The following MYH11 variants were observed in gnomAD, a reference collection of about 807,000 sequenced individuals.
MYH11 encodes myosin-11.
MYH11 carries 80 observed loss-of-function variants against 246.6 expected under a neutral mutation model. That is an observed-to-expected ratio of 0.32 (90% CI 0.27 to 0.39). MYH11 has a LOEUF of 0.39. MYH11 is among the 10% of genes least tolerant of loss of function. MYH11 has a pLI of 1.00. For missense variants in MYH11, 2,158 were observed against 2,546.8 expected (o/e 0.85, Z 3.29); for synonymous variants, 1,071 against 1,015.5 (o/e 1.05, Z -1.04).
intron 3 of MYH11, among the ~76,000 whole-genome samples, chr16:15,801,529 G>C (rs2042885732): frequency 6.6e-6 from 1 of 151,716 alleles, no homozygotes; most frequent in African/African-American, 2.4e-5. Context: ...ATGTGTGATA[G>C]ACATACCCCT....
chr16:15,742,907 C>T (rs548792978), intron 20 of MYH11, among the ~76,000 whole-genome samples: 1 of 151,072 alleles, frequency 6.6e-6, no homozygotes, highest in African/African-American at 2.4e-5. Context: ...CCTTGAACTC[C>T]TGGCCTCAAG....
At chr16:15,817,308 A>G (rs1447128660) in intron 3 of MYH11, among the ~76,000 whole-genome samples, 1 of 152,192 alleles carries the variant, frequency 6.6e-6, no homozygotes, top group Non-Finnish European at 1.5e-5. Flanking sequence ...CCTGGCCAAC[A>G]TGGCAAAACC....
chr16:15,799,056 G>A (rs912209386), intron 3 of MYH11, among the ~76,000 whole-genome samples: 3 of 152,186 alleles, frequency 2.0e-5, no homozygotes, highest in South Asian at 2.1e-4. Context: ...CCACTTCTCC[G>A]CTCTGTGGCC....
At chr16:15,851,172 C>T (rs215570) in intron 1 of MYH11, among the ~76,000 whole-genome samples, 73,104 of 152,022 alleles carry the variant, frequency 0.48, 20,066 homozygotes, top group Non-Finnish European at 0.61. Flanking sequence ...TGGAAATCCT[C>T]GCTCAAGGCC....
At chr16:15,735,270 G>A (rs2041082404) in intron 26 of MYH11, 96 bp downstream of exon 26, 4 of 1,331,530 alleles carry the variant, frequency 3.0e-6, no homozygotes, top group Admixed American at 3.4e-5. Flanking sequence ...ATGCACAGGG[G>A]CTGATGCACG....
chr16:15,747,758 C>A, intron 18 of MYH11, 28 bp from the exon 19 acceptor site: 2 of 1,613,786 alleles, frequency 1.2e-6, no homozygotes, highest in Non-Finnish European at 1.7e-6. Flanking sequence ...GGAAGAGCTC[C>A]TGATTTCCAC....
intron 3 of MYH11, among the ~76,000 whole-genome samples, chr16:15,818,800 C>T (rs1171485003): frequency 1.3e-5 from 2 of 152,140 alleles, no homozygotes; most frequent in Non-Finnish European, 1.5e-5. Flanking sequence ...CCAAAATAGA[C>T]GAGGGCATAG....
intron 3 of MYH11, among the ~76,000 whole-genome samples, chr16:15,814,055 A>G (rs1031017423): frequency 2.6e-5 from 4 of 151,960 alleles, no homozygotes; most frequent in African/African-American, 9.7e-5. Context: ...GAGGCTGCAG[A>G]ATCGCTTGAT....
rs2044411875 is a variant in MYH11 at position 15,854,534 on chromosome 16, G to A, written c.-18+2407C>T. Among the ~76,000 whole-genome samples, 4 of 152,166 alleles carry A rather than the reference G, an allele frequency of 2.6e-5. No homozygotes were observed. The South Asian group carries it at 8.3e-4, about 32-fold the overall frequency. ...AGTATCTACTCTAAAGGGTTGTTAT[G>A]AAGACGTAAGATAATGTCCACAAAG... On this transcript the variant is annotated intron_variant, in intron 1 of 40. Coordinates refer to ENST00000300036, the MANE Select transcript of MYH11 (RefSeq NM_002474.3).
Position 15,708,955 on chromosome 16 carries a change from C to T in MYH11, c.5787-4832G>A, listed in dbSNP as rs922588334. On this transcript the variant is annotated intron_variant, in intron 40 of 40. Transcript: ENST00000300036. ...CTTCGATTTAATAATTAAAGGCACT[C>T]TTTTTTATTTTGAGATAGTCTCTGT... 6 of 1,145,850 alleles carry T rather than the reference C, an allele frequency of 5.2e-6. No homozygotes were observed. The African/African-American group carries it at 7.7e-5, about 15-fold the overall frequency. The allele number at this position is 1,145,850 out of a possible 1,614,324, so 71.0% of individuals were successfully genotyped here.
rs925969791 is a variant in MYH11 at position 15,837,842 on chromosome 16, C to A, written c.345+66G>T. 14 of 1,467,692 alleles carry A rather than the reference C, an allele frequency of 9.5e-6. No individual in the cohort carries two copies. In the African/African-American group the frequency reaches 1.7e-4, roughly 17 times the overall value. The allele number at this position is 1,467,692 out of a possible 1,614,324, so 90.9% of individuals were successfully genotyped here. A position where few individuals can be genotyped will look rare whatever the true frequency, so the allele number is the denominator to read the frequency against. On this transcript the variant is annotated intron_variant, in intron 2 of 40. Transcript: ENST00000300036. Reference sequence around the variant, plus strand: ...GAGCCACTGTGCCCAGCCCTCCCAACACATTTCTAATGCCTACTTTCCTTA... The same window carrying A: ...GAGCCACTGTGCCCAGCCCTCCCAAAACATTTCTAATGCCTACTTTCCTTA...
intron 37 of MYH11, chr16:15,718,085 C>T (rs370637624): frequency 5.8e-5 from 38 of 658,930 alleles, no homozygotes; most frequent in East Asian, 3.1e-4. Context: ...GAGCCAGCCA[C>T]GCCGTGGCTG....
At chr16:15,803,083 G>C (rs540166097) in intron 3 of MYH11, among the ~76,000 whole-genome samples, 33 of 151,750 alleles carry the variant, frequency 2.2e-4, no homozygotes, top group African/African-American at 7.0e-4. Flanking sequence ...GTTGCAGTGA[G>C]TTGAGATTTT....
chr16:15,778,942 G>C, intron 6 of MYH11, 99 bp from the exon 7 acceptor site: 1 of 1,131,604 alleles, frequency 8.8e-7, no homozygotes, highest in South Asian at 1.2e-5. Context: ...GAGGATGGGA[G>C]GTGGGGCGGG....
intron 24 of MYH11, among the ~76,000 whole-genome samples, chr16:15,738,224 G>A (rs1309022372): frequency 6.6e-6 from 1 of 151,730 alleles, no homozygotes; most frequent in African/African-American, 2.4e-5. Flanking sequence ...ACCCATTCAA[G>A]CCCAGGAATA....
At chr16:15,765,124 T>C (rs989390022) in intron 9 of MYH11, among the ~76,000 whole-genome samples, 3 of 151,946 alleles carry the variant, frequency 2.0e-5, no homozygotes, top group Admixed American at 6.6e-5. Context: ...GGGAGAGAGA[T>C]GGATGGATGG....
intron 40 of MYH11, among the ~76,000 whole-genome samples, chr16:15,707,357 G>A (rs2039513125): frequency 6.6e-6 from 1 of 152,132 alleles, no homozygotes; most frequent in Non-Finnish European, 1.5e-5. Flanking sequence ...CGTGGACTCA[G>A]CTTATCCAAG....
chr16:15,717,642 A>G, intron 37 of MYH11: 3 of 512,056 alleles, frequency 5.9e-6, no homozygotes. Context: ...TAAAAATACA[A>G]AAATTAGCCG....
Position 15,847,265 on chromosome 16 carries a change from T to G in MYH11, c.-17-8996A>C, listed in dbSNP as rs72773913. On this transcript the variant is annotated intron_variant, in intron 1 of 40. Transcript: ENST00000300036. ...GGACTTCTTTTTTTTTTTTTTTTTTTTCTGAGACAGGGTCTTGCTCTGTCG... is the reference window on the plus strand; with the variant it reads ...GGACTTCTTTTTTTTTTTTTTTTTTGTCTGAGACAGGGTCTTGCTCTGTCG... 2.6e-5 allele frequency among the ~76,000 whole-genome samples: 3 copies of G among 116,208 alleles called. No individual in the cohort carries two copies. The East Asian group carries it at 6.9e-4, about 27-fold the overall frequency. The allele number at this position is 116,208 out of a possible 152,430, so 76.2% of individuals were successfully genotyped here. A position where few individuals can be genotyped will look rare whatever the true frequency, so the allele number is the denominator to read the frequency against.
Sources: allele counts gnomAD v4.1 joint callset (sites outside exome capture counted in the v4.1 genomes callset), GRCh38; gene constraint gnomAD v4.1.1; transcripts MANE v1.5; gene names NCBI Gene and HGNC (gene_info 2026-07-23, HGNC 2026-07-21).